Variants in BRINP1 observed in about 807,000 individuals in gnomAD.
BRINP1 encodes BMP/retinoic acid inducible neural specific 1, also known as BMP/retinoic acid-inducible neural-specific protein 1.
Under a neutral mutation model 72.9 loss-of-function variants are expected in BRINP1, and 17 were observed. That is an observed-to-expected ratio of 0.23 (90% CI 0.16 to 0.35). BRINP1 has a LOEUF of 0.35. BRINP1 is among the 10% of genes least tolerant of loss of function. BRINP1 has a pLI of 1.00. For missense variants in BRINP1, 850 were observed against 1,001.6 expected (o/e 0.85, Z 2.04); for synonymous variants, 418 against 378.5 (o/e 1.10, Z -1.21).
chr9:119,231,789 T>C (rs1394410406), intron 5 of BRINP1, among the ~76,000 whole-genome samples: 1 of 152,106 alleles, frequency 6.6e-6, no homozygotes, highest in African/African-American at 2.4e-5. Flanking sequence ...ACTCTCCAGC[T>C]TCCTTTTCTT....
chr9:119,335,829 T>C (rs1346806391), intron 1 of BRINP1, among the ~76,000 whole-genome samples: 1 of 152,200 alleles, frequency 6.6e-6, no homozygotes, highest in African/African-American at 2.4e-5. Context: ...AAAGGTATCA[T>C]CCAATCCAGC....
At chr9:119,273,144 C>A (rs1292056324) in intron 2 of BRINP1, among the ~76,000 whole-genome samples, 2 of 152,116 alleles carry the variant, frequency 1.3e-5, no homozygotes, top group African/African-American at 4.8e-5. Flanking sequence ...CATCAGGAGA[C>A]AAAACTCAAA....
At chr9:119,209,748 G>A (rs1472929175) in intron 6 of BRINP1, among the ~76,000 whole-genome samples, 2 of 152,136 alleles carry the variant, frequency 1.3e-5, no homozygotes, top group Non-Finnish European at 2.9e-5. Context: ...CTCTCATGTT[G>A]AAATGCAGGC....
intron 1 of BRINP1, among the ~76,000 whole-genome samples, chr9:119,343,493 C>G (rs768147500): frequency 2.6e-5 from 4 of 152,130 alleles, no homozygotes; most frequent in Non-Finnish European, 4.4e-5. Context: ...GCTTCTTCAA[C>G]GTGTTTGCTC....
At chr9:119,185,369 A>G (rs1329885278) in intron 7 of BRINP1, among the ~76,000 whole-genome samples, 2 of 152,212 alleles carry the variant, frequency 1.3e-5, no homozygotes, top group Non-Finnish European at 2.9e-5. Flanking sequence ...AAATCCACTA[A>G]ACAACAATCT....
intron 1 of BRINP1, among the ~76,000 whole-genome samples, chr9:119,342,020 G>A (rs901446223): frequency 2.6e-5 from 4 of 151,918 alleles, no homozygotes; most frequent in African/African-American, 7.3e-5. Flanking sequence ...TGCCCCCCTC[G>A]GTCACCCAAA....
chr9:119,282,320 G>A (rs1380302373), intron 2 of BRINP1, among the ~76,000 whole-genome samples: 1 of 152,148 alleles, frequency 6.6e-6, no homozygotes, highest in African/African-American at 2.4e-5. Context: ...TGGGATACTT[G>A]GGTTGTAGCT....
intron 2 of BRINP1, among the ~76,000 whole-genome samples, chr9:119,250,102 A>AAAGG (rs1185281880): frequency 3.9e-5 from 3 of 77,514 alleles, no homozygotes; most frequent in African/African-American, 1.3e-4. Flanking sequence ...GGAAGGAAGA[A>AAAGG]AAGGAAGGAG....
At chr9:119,322,854 CAG>C (rs1005406509) in intron 1 of BRINP1, among the ~76,000 whole-genome samples, 2 of 152,134 alleles carry the variant, frequency 1.3e-5, no homozygotes, top group African/African-American at 2.4e-5. Flanking sequence ...TGGGCAGTAA[CAG>C]GGGGATGCAC....
At chr9:119,187,192 C>T (rs982107842) in intron 7 of BRINP1, among the ~76,000 whole-genome samples, 3 of 151,800 alleles carry the variant, frequency 2.0e-5, no homozygotes, top group African/African-American at 7.3e-5. Context: ...TTCAACAAGA[C>T]ACTGATCATA....
chr9:119,173,513 C>T (rs1829443749), intron 7 of BRINP1, among the ~76,000 whole-genome samples: 1 of 152,152 alleles, frequency 6.6e-6, no homozygotes, highest in Admixed American at 6.5e-5. Flanking sequence ...ACATTCCATG[C>T]TCATGGGTAG....
chr9:119,181,675 A>C (rs985773421), intron 7 of BRINP1, among the ~76,000 whole-genome samples: 14 of 152,204 alleles, frequency 9.2e-5, no homozygotes, highest in Non-Finnish European at 1.8e-4. Flanking sequence ...AAAACAGCCC[A>C]GTTGATCATA....
At chr9:119,305,496 C>T (rs1252348275) in intron 2 of BRINP1, among the ~76,000 whole-genome samples, 1 of 152,236 alleles carries the variant, frequency 6.6e-6, no homozygotes, top group Non-Finnish European at 1.5e-5. Context: ...ACACAAAACA[C>T]ATGAAGACGT....
intron 1 of BRINP1, among the ~76,000 whole-genome samples, chr9:119,351,061 C>G (rs567714976): frequency 2.6e-4 from 40 of 152,200 alleles, no homozygotes; most frequent in Non-Finnish European, 4.9e-4. Flanking sequence ...AATGTTCTCC[C>G]TTGTCTTGCC....
intron 1 of BRINP1, among the ~76,000 whole-genome samples, chr9:119,353,247 G>A (rs1204349822): frequency 2.0e-5 from 3 of 152,110 alleles, no homozygotes; most frequent in African/African-American, 7.2e-5. Context: ...TCAAATCATT[G>A]TGGTGCTCTT....
intron 1 of BRINP1, among the ~76,000 whole-genome samples, chr9:119,340,502 C>T (rs1022124011): frequency 2.6e-5 from 4 of 152,146 alleles, no homozygotes; most frequent in Non-Finnish European, 5.9e-5. Flanking sequence ...ATCCAAGAAC[C>T]TCCTCTTCCC....
chr9:119,216,663 G>A (rs1829981253), intron 5 of BRINP1, among the ~76,000 whole-genome samples: 1 of 152,126 alleles, frequency 6.6e-6, no homozygotes, highest in South Asian at 2.1e-4. Context: ...AGTTTCTGTT[G>A]CTTAAAGGAA....
intron 2 of BRINP1, among the ~76,000 whole-genome samples, chr9:119,249,913 G>GGA (rs1830364739): frequency 1.2e-5 from 1 of 83,210 alleles, no homozygotes; most frequent in Non-Finnish European, 2.3e-5. Flanking sequence ...GGGAGGGACC[G>GGA]GATGAAGGGA....
chr9:119,232,362 TCTTA>T (rs748279249), intron 5 of BRINP1, among the ~76,000 whole-genome samples: 83 of 152,294 alleles, frequency 5.4e-4, no homozygotes, highest in Non-Finnish European at 9.6e-4. Context: ...CTACAGTCTT[TCTTA>T]CTTAATAGCT....
Sources: gnomAD v4.1 joint callset for allele counts (sites outside exome capture counted in the v4.1 genomes callset) on GRCh38, gnomAD v4.1.1 for gene constraint, MANE v1.5 for transcripts, NCBI Gene and HGNC (gene_info 2026-07-23, HGNC 2026-07-21) for gene names.